Variants in SCIN observed in about 807,000 individuals in gnomAD.
SCIN encodes adseverin.
Under a neutral mutation model 91.8 loss-of-function variants are expected in SCIN, and 91 were observed. The observed-to-expected ratio is 0.99, with a 90% CI of 0.84 to 1.18. SCIN has a LOEUF of 1.18. Among genes scored for constraint, SCIN ranks in the 50% most tolerant of loss-of-function variants. SCIN has a pLI of 0.00. For synonymous variants in SCIN, 367 were observed against 312.6 expected, an observed-to-expected ratio of 1.17 and a Z score of -1.84; for missense variants, 1,087 against 863.9, an observed-to-expected ratio of 1.26 and a Z score of -3.24.
At chr7:12,631,857 C>G (rs1783650061) in intron 9 of SCIN, among the ~76,000 whole-genome samples, 1 of 152,090 alleles carries the variant, frequency 6.6e-6, no homozygotes, top group Non-Finnish European at 1.5e-5. Flanking sequence ...GACAGGCATG[C>G]AAATAGAGAA....
At chr7:12,593,811 G>C (rs1443272977) in intron 3 of SCIN, among the ~76,000 whole-genome samples, 3 of 152,140 alleles carry the variant, frequency 2.0e-5, no homozygotes, top group African/African-American at 7.2e-5. Flanking sequence ...GCTCCTACGG[G>C]CTTAGTAGGA....
chr7:12,591,333 G>A (rs1458566484), intron 3 of SCIN, among the ~76,000 whole-genome samples: 2 of 152,128 alleles, frequency 1.3e-5, no homozygotes, highest in Non-Finnish European at 2.9e-5. Context: ...TGAGAACTGT[G>A]GACGGTGGTA....
rs374239176 is a variant in SCIN, at chr7:12,629,190, C to T, written c.1287C>T (p.Tyr429=). The T allele has an allele frequency of 4.0e-5, 64 of 1,612,698 alleles. No homozygotes were observed. Among genetic ancestry groups the T allele is most frequent in the Non-Finnish European group, 3.7e-5 (44 of 1,179,428 alleles). ...GTGGTGACTGCTACATCATACTCTA[C>T]ACCTATCCCAGAGGACAGATTATCT... ...FYGGDCYIIL[Y]TYPRGQIIYT... The change falls in exon 9 of 16, where the codon TAC becomes TAT. Residue 429 remains tyrosine, a synonymous_variant. Transcript: ENST00000297029.
Position 12,635,370 on chromosome 7 carries a change from G to C in SCIN, c.1320-675G>C, listed in dbSNP as rs550243739. ...CTCATGCCTGTAATCCTAGCACTTT[G>C]GGAGGCCGAGGTGGGCAGATCATGA... On this transcript the variant is annotated intron_variant, in intron 9 of 15. Transcript: ENST00000297029. 4.6e-5 allele frequency among the ~76,000 whole-genome samples: 7 copies of C among 151,444 alleles called. No homozygotes were observed. The South Asian group carries it at 1.5e-3, about 32-fold the overall frequency.
chr7:12,652,615 C>T lies in SCIN; in HGVS notation c.2048C>T (p.Ser683Phe). 5 of 1,613,016 alleles carry T rather than the reference C, an allele frequency of 3.1e-6. No individual in the cohort carries two copies. Among genetic ancestry groups the T allele is most frequent in the Non-Finnish European group, 4.2e-6 (5 of 1,179,520 alleles). ...AAAATGTACCTTGAGACAGACCCTT[C>T]TGGAAGAGACAAGAGGACACCAATT... is the stretch of plus-strand genomic sequence containing the variant. ...SAKMYLETDPSGRDKRTPIVI... is the reference protein window; with the variant it reads ...SAKMYLETDPFGRDKRTPIVI... Residue 683 changes from serine to phenylalanine, a missense_variant, in exon 16 of 16, where the codon TCT becomes TTT. Ser to Phe is a radical substitution (Grantham distance 155, BLOSUM62 -2). Transcript: ENST00000297029.
chr7:12,575,230 G>A (rs1305743771), intron 1 of SCIN, among the ~76,000 whole-genome samples: 2 of 151,126 alleles, frequency 1.3e-5, no homozygotes, highest in Non-Finnish European at 3.0e-5. Context: ...TTATTTCTAG[G>A]AGAGTTTTCT....
chr7:12,634,079 C>T (rs556995826), intron 9 of SCIN, among the ~76,000 whole-genome samples: 17 of 151,450 alleles, frequency 1.1e-4, no homozygotes, highest in South Asian at 2.1e-4. Context: ...GTGTTTTGGG[C>T]GGAGGGGGGT....
chr7:12,581,149 G>A lies in SCIN; in HGVS notation c.444G>A (p.Val148=), dbSNP rs977361638. The part of the protein sequence containing the change: ...RLLHVKGRRV[V]RATEVPLSWD... ...TACATGTGAAGGGTCGTAGAGTGGT[G>A]AGAGCCACAGAAGTTCCCCTTAGCT... is the stretch of plus-strand genomic sequence containing the variant. Residue 148 remains valine, a synonymous_variant, in exon 3 of 16, where the codon GTG becomes GTA. Coordinates refer to ENST00000297029, the MANE Select transcript of SCIN (RefSeq NM_001112706.3). The A allele has an allele frequency of 2.6e-6, 4 of 1,551,496 alleles. No individual in the cohort carries two copies. Among genetic ancestry groups the A allele is most frequent in the Non-Finnish European group, 3.5e-6 (4 of 1,146,822 alleles).
chr7:12,651,906 G>C lies in SCIN; in HGVS notation c.2020+5G>C, dbSNP rs1233330249. 1.9e-6 allele frequency: 3 copies of C among 1,598,328 alleles called. No homozygotes were observed. Among genetic ancestry groups the C allele is most frequent in the East Asian group, 2.2e-5 (1 of 44,664 alleles). ...AAAAAGAATCTCTGAAGTCTGGTAA[G>C]CTCAATCGATGGACCATTATAGCAG... On this transcript the variant is annotated splice_donor_5th_base_variant and intron_variant, in intron 15 of 15. Transcript: ENST00000297029. This position sits in a 1 kb window ranked among gnomAD's most constrained non-coding sequence, Gnocchi z 5.9.
intron 3 of SCIN, among the ~76,000 whole-genome samples, chr7:12,594,220 CGGTGGAGGATCATGATGCTCT>C (rs1395167331): frequency 1.3e-4 from 20 of 151,784 alleles, no homozygotes; most frequent in African/African-American, 4.8e-4. Flanking sequence ...CAGGGACATA[CGGTGGAGGATCATGATGCTCT>C]GGTGGAGGAT....
intron 13 of SCIN, among the ~76,000 whole-genome samples, chr7:12,648,794 A>G (rs929030596): frequency 6.6e-6 from 1 of 152,220 alleles, no homozygotes; most frequent in Non-Finnish European, 1.5e-5. Context: ...CCTAAGGATG[A>G]GATTTAGAAA....
chr7:12,626,726 C>A lies in SCIN; in HGVS notation c.1124C>A (p.Ala375Asp), dbSNP rs755023239. Residue 375 changes from alanine (A) to aspartate (D), a missense_variant, in exon 8 of 16, where the codon GCC (alanine) becomes GAC (aspartate). Physicochemically the swap from Ala to Asp is moderately radical, Grantham distance 126 (BLOSUM62 -2). Transcript: ENST00000297029. ...VAQIKQIPFD[A>D]SKLHSSPQMA... ...CAAATAAAACAAATTCCCTTTGATG[C>A]CTCAAAATTACACAGTTCTCCGCAG... is the stretch of plus-strand genomic sequence containing the variant. The A allele has an allele frequency of 1.9e-6, 3 of 1,607,986 alleles. No homozygotes were observed. The highest frequency in any genetic ancestry group is 4.5e-5 in the East Asian group (2 of 44,672).
At position 12,653,162 on chromosome 7, in the gene SCIN, G is replaced by C. The variant is rs553746862; in HGVS notation, c.*447G>C. 2 of 151,954 alleles carry C rather than the reference G, an allele frequency of 1.3e-5. No homozygotes were observed. Among genetic ancestry groups the C allele is most frequent in the African/African-American group, 4.8e-5 (2 of 41,280 alleles). The allele number at this position is 151,954 out of a possible 1,614,324, so 9.4% of individuals were successfully genotyped here. On this transcript the variant is annotated 3_prime_UTR_variant, in exon 16 of 16. Coordinates refer to ENST00000297029, the MANE Select transcript of SCIN (RefSeq NM_001112706.3). The surrounding 1 kb of genome is among the most constrained non-coding windows in gnomAD (Gnocchi z 4.1). ...GCCTATTTTTTAATGCTTAGTTTTG[G>C]CTTGAAATTCTTCTTCACCTGGAGT...
At position 12,622,799 on chromosome 7, in the gene SCIN, A is replaced by T. The variant is rs1783435727; in HGVS notation, c.667-2A>T. 6.2e-7 allele frequency: 1 copy of T among 1,609,812 alleles called. No homozygotes were observed. The highest frequency in any genetic ancestry group is 1.3e-5 in the African/African-American group (1 of 74,782). On this transcript the variant is annotated splice_acceptor_variant, in intron 4 of 15. Transcript: ENST00000297029. LOFTEE classifies it high-confidence loss of function. Reference sequence around the variant, plus strand: ...TTGCATCCACTGCTCACTTTTTTCCAGGTCTTAGGGGAAAAGCCAGAGCTT... The same window carrying T: ...TTGCATCCACTGCTCACTTTTTTCCTGGTCTTAGGGGAAAAGCCAGAGCTT...
chr7:12,632,333 G>A (rs1230376052), intron 9 of SCIN, among the ~76,000 whole-genome samples: 2 of 151,980 alleles, frequency 1.3e-5, no homozygotes, highest in Admixed American at 1.3e-4. Context: ...ATTTCACCAT[G>A]TTGGCCAGGC....
chr7:12,642,729 T>C (rs761433278), intron 11 of SCIN, among the ~76,000 whole-genome samples: 1 of 151,790 alleles, frequency 6.6e-6, no homozygotes, highest in Admixed American at 6.6e-5. Flanking sequence ...TCCAGTTTTA[T>C]TGAGCAATTC....
intron 4 of SCIN, among the ~76,000 whole-genome samples, chr7:12,612,328 T>TA (rs1783209059): frequency 6.6e-6 from 1 of 152,150 alleles, no homozygotes; most frequent in African/African-American, 2.4e-5. Context: ...TTTACCGACT[T>TA]ACCATTCAAA....
rs1262583255 is a variant in SCIN, at chr7:12,654,403, T to C, written c.*1688T>C. On this transcript the variant is annotated 3_prime_UTR_variant, in exon 16 of 16. Coordinates refer to ENST00000297029, the MANE Select transcript of SCIN (RefSeq NM_001112706.3). Reference sequence around the variant, plus strand: ...TCTGACATTTGCCTAAAGGAAAATTTACCTAAAAAGGCGTTTTCTTGCTAT... The same window carrying C: ...TCTGACATTTGCCTAAAGGAAAATTCACCTAAAAAGGCGTTTTCTTGCTAT... 6.6e-6 allele frequency: 1 copy of C among 152,184 alleles called. No homozygotes were observed. The highest frequency in any genetic ancestry group is 1.5e-5 in the Non-Finnish European group (1 of 68,034). The allele number at this position is 152,184 out of a possible 1,614,324, so 9.4% of individuals were successfully genotyped here.
chr7:12,602,397 A>G (rs7787788), intron 3 of SCIN, among the ~76,000 whole-genome samples: 9,766 of 152,224 alleles, frequency 0.064, 395 homozygotes, highest in African/African-American at 0.11. Flanking sequence ...CTGTGCACGT[A>G]TTATCTTGAT....
Sources: allele counts gnomAD v4.1 joint callset (sites outside exome capture counted in the v4.1 genomes callset), GRCh38; gene constraint gnomAD v4.1.1; non-coding constraint Gnocchi (gnomAD v3.1); transcripts MANE v1.5; gene names NCBI Gene and HGNC (gene_info 2026-07-23, HGNC 2026-07-21).